Variants in ZBTB37 observed in about 807,000 individuals in gnomAD.
ZBTB37 encodes zinc finger and BTB domain-containing protein 37.
ZBTB37 carries 15 observed loss-of-function variants against 37.7 expected under a neutral mutation model. That is an observed-to-expected ratio of 0.40 (90% CI 0.27 to 0.61). The LOEUF (loss-of-function observed/expected upper bound fraction) is 0.61. Among genes scored for constraint, ZBTB37 ranks in the 20% least tolerant of loss-of-function variants. The pLI, the probability that ZBTB37 is intolerant of heterozygous loss-of-function variation, is 0.44. For synonymous variants in ZBTB37, 231 were observed against 220.6 expected (o/e 1.05, Z -0.42); for missense variants, 514 against 641.9 (o/e 0.80, Z 2.15).
chr1:173,871,500 T>A (rs970388017), intron 3 of ZBTB37, among the ~76,000 whole-genome samples: 10 of 152,214 alleles, frequency 6.6e-5, no homozygotes, highest in African/African-American at 2.4e-4. Flanking sequence ...GCATTGCCCT[T>A]CCTTGGTGTG....
intron 3 of ZBTB37, among the ~76,000 whole-genome samples, chr1:173,871,809 T>G (rs1197387166): frequency 1.3e-5 from 2 of 152,236 alleles, no homozygotes; most frequent in Non-Finnish European, 2.9e-5. Context: ...CTTTTCTCTT[T>G]TAATACATTG....
chr1:173,901,374 C>T (rs547675198), exon 4 of ZBTB37: 1 of 151,512 alleles, frequency 6.6e-6, no homozygotes, highest in Non-Finnish European at 1.5e-5. Flanking sequence ...GGCTTCCTTC[C>T]CTTTAAGAAA....
intron 3 of ZBTB37, among the ~76,000 whole-genome samples, chr1:173,872,944 T>C (rs985116698): frequency 4.0e-5 from 6 of 151,560 alleles, no homozygotes; most frequent in African/African-American, 7.3e-5. Context: ...GAAGTGGAGG[T>C]TGCAGTTAGC....
chr1:173,880,122 A>C (rs373586223), intron 4 of ZBTB37, among the ~76,000 whole-genome samples: 12 of 152,192 alleles, frequency 7.9e-5, no homozygotes, highest in African/African-American at 2.9e-4. Flanking sequence ...ACCCAAGTGC[A>C]TTTTATTGCA....
intron 4 of ZBTB37, among the ~76,000 whole-genome samples, chr1:173,883,771 C>T (rs923453677): frequency 1.3e-5 from 2 of 152,338 alleles, no homozygotes; most frequent in African/African-American, 4.8e-5. Context: ...CTTCCCAAAC[C>T]TGTTGAGAAC....
intron 4 of ZBTB37, among the ~76,000 whole-genome samples, chr1:173,874,421 G>T (rs1327935008): frequency 6.6e-6 from 1 of 151,200 alleles, no homozygotes; most frequent in Non-Finnish European, 1.5e-5. Flanking sequence ...TGCAATCTCG[G>T]CTCACTGCAA....
chr1:173,884,112 T>C (rs1044203644), intron 4 of ZBTB37, among the ~76,000 whole-genome samples: 1 of 152,200 alleles, frequency 6.6e-6, no homozygotes, highest in Non-Finnish European at 1.5e-5. Context: ...TTGATTTTTT[T>C]AATACAGAAT....
chr1:173,889,375 A>G (rs1435048386), downstream of ZBTB37: 1 of 152,202 alleles, frequency 6.6e-6, no homozygotes, highest in African/African-American at 2.4e-5. Flanking sequence ...TAATTACCAA[A>G]TCTTAACTTG....
chr1:173,900,797 A>G (rs1483528711), exon 4 of ZBTB37: 1 of 152,248 alleles, frequency 6.6e-6, no homozygotes, highest in Non-Finnish European at 1.5e-5. Context: ...CCTATGCCTT[A>G]GAAAATTTGC....
exon 4 of ZBTB37, chr1:173,892,398 G>C (rs1173863204): frequency 6.6e-6 from 1 of 151,992 alleles, no homozygotes; most frequent in African/African-American, 2.4e-5. Context: ...CCTCTTAAAT[G>C]GTGCTTTTCC....
chr1:173,895,572 A>C (rs895914197), exon 4 of ZBTB37: 2 of 152,136 alleles, frequency 1.3e-5, no homozygotes, highest in African/African-American at 4.8e-5. Context: ...AGATAGTGAA[A>C]AGTTTTACCT....
chr1:173,871,466 C>A (rs992545855), intron 3 of ZBTB37, among the ~76,000 whole-genome samples: 1 of 152,138 alleles, frequency 6.6e-6, no homozygotes, highest in African/African-American at 2.4e-5. Context: ...GGCAGGGAGC[C>A]GATCATCAGC....
exon 5 of ZBTB37, chr1:173,886,405 T>G (rs1656624821): frequency 2.4e-6 from 1 of 415,386 alleles, no homozygotes; most frequent in African/African-American, 2.0e-5. Context: ...AAAAAAGGTT[T>G]TTTAACAAAA....
chr1:173,901,945 A>G (rs1657276741), exon 4 of ZBTB37: 1 of 152,164 alleles, frequency 6.6e-6, no homozygotes, highest in South Asian at 2.1e-4. Flanking sequence ...GTCCCCATCT[A>G]CCTGTCCCTG....
chr1:173,902,340 AACAG>A (rs1182757247), exon 4 of ZBTB37: 7 of 152,268 alleles, frequency 4.6e-5, no homozygotes, highest in Non-Finnish European at 7.3e-5. Context: ...TTCATATTAA[AACAG>A]ACAATCAGTT....
At chr1:173,896,193 T>A (rs1382298222) in exon 4 of ZBTB37, 1 of 152,234 alleles carries the variant, frequency 6.6e-6, no homozygotes, top group Non-Finnish European at 1.5e-5. Flanking sequence ...GCATAAAGAT[T>A]AATTAGATTT....
chr1:173,875,965 A>C (rs1194274032), intron 4 of ZBTB37, among the ~76,000 whole-genome samples: 1 of 152,102 alleles, frequency 6.6e-6, no homozygotes, highest in Non-Finnish European at 1.5e-5. Context: ...AGCTGCTTAC[A>C]CATTTTTATG....
intron 3 of ZBTB37, 59 bp downstream of exon 3, chr1:173,871,207 G>A: frequency 1.4e-6 from 2 of 1,460,210 alleles, no homozygotes; most frequent in Non-Finnish European, 9.2e-7. Context: ...CATCACTAAA[G>A]TGTCCTCTGT....
At chr1:173,880,282 A>G (rs1196799634) in intron 4 of ZBTB37, among the ~76,000 whole-genome samples, 2 of 152,194 alleles carry the variant, frequency 1.3e-5, no homozygotes, top group African/African-American at 4.8e-5. Context: ...CTAAATAGGG[A>G]GTTATTTAGT....
Sources: allele counts gnomAD v4.1 joint callset (sites outside exome capture counted in the v4.1 genomes callset), GRCh38; gene constraint gnomAD v4.1.1; transcripts MANE v1.5; gene names NCBI Gene and HGNC (gene_info 2026-07-23, HGNC 2026-07-21).